The following RASGEF1A variants were observed in gnomAD, a reference collection of about 807,000 sequenced individuals.
RASGEF1A encodes ras-GEF domain-containing family member 1A.
Under a neutral mutation model 56.4 loss-of-function variants are expected in RASGEF1A, and 18 were observed. The ratio of observed to expected loss-of-function variants is 0.32; its 90% CI spans 0.22 to 0.47. The LOEUF (loss-of-function observed/expected upper bound fraction) is 0.47. Among genes scored for constraint, RASGEF1A ranks in the 20% least tolerant of loss-of-function variants. The pLI, the probability that RASGEF1A is intolerant of heterozygous loss-of-function variation, is 1.00. For missense variants in RASGEF1A, 422 were observed against 627.1 expected (o/e 0.67, Z 3.49); for synonymous variants, 245 against 242.6 (o/e 1.01, Z -0.09).
chr10:43,241,349 A>T (rs1056907869), intron 1 of RASGEF1A, among the ~76,000 whole-genome samples: 1 of 152,230 alleles, frequency 6.6e-6, no homozygotes, highest in Non-Finnish European at 1.5e-5. Flanking sequence ...TGATGAGCAC[A>T]CAAGGTATAA....
At chr10:43,242,838 T>C (rs1840518487) in intron 1 of RASGEF1A, among the ~76,000 whole-genome samples, 1 of 152,220 alleles carries the variant, frequency 6.6e-6, no homozygotes. Flanking sequence ...CATTGCTCAA[T>C]GTTGCCCAGG....
intron 1 of RASGEF1A, among the ~76,000 whole-genome samples, chr10:43,242,121 G>T (rs1025676397): frequency 6.6e-5 from 10 of 152,018 alleles, no homozygotes; most frequent in African/African-American, 2.4e-4. Context: ...CTAGACGACA[G>T]AACGAGACTC....
rs927678912 is a variant in RASGEF1A, at chr10:43,206,621, G to A, written c.-6-499C>T. 32 of 990,744 alleles carry A rather than the reference G, an allele frequency of 3.2e-5. No homozygotes were observed. The Admixed American group carries it at 6.4e-4, about 20-fold the overall frequency. 61.4% of individuals were successfully genotyped at this position (990,744 alleles called of 1,614,324 possible). ...CTGAGGACTCAGGGCCGGACACACA[G>A]GCTGCATGTGCTGCTTCACTGAGGT... On this transcript the variant is annotated intron_variant, in intron 1 of 12. Transcript: ENST00000395810.
intron 2 of RASGEF1A, among the ~76,000 whole-genome samples, chr10:43,205,551 C>T (rs1039691572): frequency 1.3e-5 from 2 of 152,162 alleles, no homozygotes; most frequent in Non-Finnish European, 2.9e-5. Context: ...CGTGCCCTCG[C>T]CAGGACCCCA....
intron 1 of RASGEF1A, among the ~76,000 whole-genome samples, chr10:43,258,614 G>A (rs909259161): frequency 2.0e-5 from 3 of 152,194 alleles, no homozygotes; most frequent in Non-Finnish European, 4.4e-5. Context: ...CCACCAGCAG[G>A]GAGCCTCAGA....
chr10:43,203,873 G>C (rs910481301), intron 2 of RASGEF1A: 2 of 782,296 alleles, frequency 2.6e-6, no homozygotes, highest in African/African-American at 3.8e-5. Flanking sequence ...GGCCTGTCGG[G>C]AGCAGGGCTG....
intron 1 of RASGEF1A, among the ~76,000 whole-genome samples, chr10:43,263,707 C>G (rs1392804470): frequency 6.6e-6 from 1 of 152,172 alleles, no homozygotes; most frequent in African/African-American, 2.4e-5. Flanking sequence ...GTGCCCAGGG[C>G]AGGGCGGGCA....
At chr10:43,241,383 CA>C (rs1049787172) in intron 1 of RASGEF1A, among the ~76,000 whole-genome samples, 1 of 152,016 alleles carries the variant, frequency 6.6e-6, no homozygotes, top group African/African-American at 2.4e-5. Flanking sequence ...ATGGCAGTAA[CA>C]GCACAAAGGA....
chr10:43,242,517 T>TCC (rs925844611), intron 1 of RASGEF1A, among the ~76,000 whole-genome samples: 1 of 150,758 alleles, frequency 6.6e-6, no homozygotes, highest in African/African-American at 2.4e-5. Context: ...CCTCTCCCTC[T>TCC]CTCTCCCTCT....
chr10:43,219,840 G>A (rs1055286235), intron 1 of RASGEF1A, among the ~76,000 whole-genome samples: 31 of 152,222 alleles, frequency 2.0e-4, no homozygotes, highest in African/African-American at 6.8e-4. Flanking sequence ...GCTGAGCAAA[G>A]ATTTTTCCTT....
chr10:43,223,612 A>G (rs1840236365), intron 1 of RASGEF1A, among the ~76,000 whole-genome samples: 1 of 152,250 alleles, frequency 6.6e-6, no homozygotes, highest in African/African-American at 2.4e-5. Flanking sequence ...ACTACTAAAA[A>G]GCAAATTAGA....
chr10:43,217,733 C>A (rs1239845155), intron 1 of RASGEF1A, among the ~76,000 whole-genome samples: 3 of 152,222 alleles, frequency 2.0e-5, no homozygotes, highest in Non-Finnish European at 2.9e-5. Context: ...CCCTCAACAG[C>A]AGGTGCGCCA....
chr10:43,266,667 TCCCCGCGCGCGTCCCCCG>T (rs1652908149), intron 1 of RASGEF1A, among the ~76,000 whole-genome samples, 160 bp downstream of exon 1: 1 of 145,108 alleles, frequency 6.9e-6, no homozygotes, highest in Non-Finnish European at 1.5e-5. Context: ...CCGGCCGCCC[TCCCCGCGCGCGTCCCCCG>T]CCCCGCGCCC....
At chr10:43,254,910 T>C (rs1269328030) in intron 1 of RASGEF1A, among the ~76,000 whole-genome samples, 1 of 152,162 alleles carries the variant, frequency 6.6e-6, no homozygotes, top group Non-Finnish European at 1.5e-5. Context: ...CCTCCTTGTG[T>C]AGCTGGTAGC....
At chr10:43,254,523 C>G (rs1263401729) in intron 1 of RASGEF1A, among the ~76,000 whole-genome samples, 1 of 152,246 alleles carries the variant, frequency 6.6e-6, no homozygotes, top group Admixed American at 6.5e-5. Flanking sequence ...GCACCGCTAA[C>G]CCCCGCCCCC....
chr10:43,234,630 C>T (rs1394605270), intron 1 of RASGEF1A, among the ~76,000 whole-genome samples: 3 of 152,148 alleles, frequency 2.0e-5, no homozygotes, highest in African/African-American at 4.8e-5. Context: ...AGGCCCTGGC[C>T]CCCCACCCTG....
intron 1 of RASGEF1A, among the ~76,000 whole-genome samples, chr10:43,218,867 T>A (rs1296426132): frequency 1.3e-5 from 2 of 152,260 alleles, no homozygotes; most frequent in African/African-American, 2.4e-5. Context: ...ATTCATTTTT[T>A]CCTTCTGAAT....
intron 3 of RASGEF1A, 123 bp downstream of exon 3, chr10:43,203,175 A>G (rs1338633031): frequency 3.6e-6 from 3 of 830,034 alleles, no homozygotes; most frequent in Non-Finnish European, 5.1e-6. Flanking sequence ...CCAAGCCCCA[A>G]CTCTAGCCCT....
intron 1 of RASGEF1A, among the ~76,000 whole-genome samples, chr10:43,255,910 G>A (rs79698777): frequency 6.6e-6 from 1 of 152,166 alleles, no homozygotes; most frequent in Admixed American, 6.5e-5. Flanking sequence ...AGTCTAGAGT[G>A]GGGGTGCAGT....
Sources: gnomAD v4.1 joint callset for allele counts (sites outside exome capture counted in the v4.1 genomes callset) on GRCh38, gnomAD v4.1.1 for gene constraint, MANE v1.5 for transcripts, NCBI Gene and HGNC (gene_info 2026-07-23, HGNC 2026-07-21) for gene names.